SRRD: variants seen among roughly 807,000 people sequenced by gnomAD.
SRRD encodes the protein SRR1 domain containing.
A neutral mutation model predicts 30.7 loss-of-function variants in SRRD; 28 were observed. The ratio of observed to expected loss-of-function variants is 0.91; its 90% CI spans 0.68 to 1.25. SRRD has a LOEUF of 1.25. Among genes scored for constraint, SRRD ranks in the 50% most tolerant of loss-of-function variants. SRRD has a pLI of 0.00. For missense variants in SRRD, 415 were observed against 417.3 expected (o/e 0.99, Z 0.05); for synonymous variants, 161 against 159.6 (o/e 1.01, Z -0.07).
Position 26,494,081 on chromosome 22 carries a change from A to C in SRRD, c.*2409A>C. Reference sequence around the variant, plus strand: ...AGAAAACTCTGATTCTGTGTCATTTACATGTGTAAAATCTGAAACTTGGGG... The same window carrying C: ...AGAAAACTCTGATTCTGTGTCATTTCCATGTGTAAAATCTGAAACTTGGGG... On this transcript the variant is annotated 3_prime_UTR_variant, in exon 7 of 7. Coordinates refer to ENST00000215917, the MANE Select transcript of SRRD (RefSeq NM_001013694.3). The C allele has an allele frequency of 6.3e-7, 1 of 1,588,782 alleles. No individual in the cohort carries two copies. The highest frequency in any genetic ancestry group is 8.6e-7 in the Non-Finnish European group (1 of 1,162,386).
intron 4 of SRRD, among the ~76,000 whole-genome samples, chr22:26,489,243 G>T (rs2091730119): frequency 6.6e-6 from 1 of 152,182 alleles, no homozygotes; most frequent in Non-Finnish European, 1.5e-5. Context: ...CCTGTTCTGT[G>T]CTAGGCAGGG....
In SRRD at chr22:26,488,032, C is replaced by T. The variant is rs200980689; in HGVS notation, c.254C>T (p.Thr85Ile). 8.1e-6 allele frequency: 13 copies of T among 1,607,180 alleles called. No homozygotes were observed. The East Asian group carries it at 2.5e-4, about 30-fold the overall frequency. The change falls in exon 3 of 7, where the codon ACC becomes ATC. Residue 85 changes from threonine to isoleucine, a missense_variant. Physicochemically the swap from Thr to Ile is moderately conservative, Grantham distance 89. Transcript: ENST00000215917. ...ISDFWSSALE[T>I]INRCLTKHLE... ...ATTTGGGGGCCTGCTCTTTCAGAAA[C>T]CATCAATAGATGTCTCACAAAACAT...
intron 5 of SRRD, among the ~76,000 whole-genome samples, chr22:26,490,559 C>CTTTTTTTTTTTGTTTTTT (rs1921030279): frequency 1.9e-5 from 1 of 51,834 alleles, no homozygotes; most frequent in Non-Finnish European, 3.4e-5. Context: ...GGAATATTTG[C>CTTTTTTTTTTTGTTTTTT]TTTTTTTTTT....
In SRRD at chr22:26,490,033, C is replaced by G; in HGVS notation, c.610-11C>G. ...TGGGCATGTTTACACCTGTGAATAT[C>G]GTATCCCCAGGAAGGGAAACGGAGT... On this transcript the variant is annotated splice_polypyrimidine_tract_variant and intron_variant, in intron 4 of 6. Transcript: ENST00000215917. 6.2e-7 allele frequency: 1 copy of G among 1,613,724 alleles called. No individual in the cohort carries two copies. Among genetic ancestry groups the G allele is most frequent in the Non-Finnish European group, 8.5e-7 (1 of 1,179,728 alleles).
Position 26,488,177 on chromosome 22 carries a change from C to G in SRRD, c.399C>G (p.Val133=), listed in dbSNP as rs1408269068. The G allele has an allele frequency of 2.5e-6, 4 of 1,614,060 alleles. No individual in the cohort carries two copies. Among genetic ancestry groups the G allele is most frequent in the Non-Finnish European group, 3.4e-6 (4 of 1,180,030 alleles). Residue 133 remains valine (V), a synonymous_variant, in exon 3 of 7, where the codon GTC becomes GTG. Coordinates refer to ENST00000215917, the MANE Select transcript of SRRD (RefSeq NM_001013694.3). ...ATTCTATCCCAAGAGAGATCTTGGT[C>G]ACAGGAACCTGCCATTTGAAGTGTG... ...ATDSIPREIL[V]TGTCHLKCVC...
Position 26,486,369 on chromosome 22 carries a change from A to G in SRRD, c.250+306A>G, listed in dbSNP as rs575095310. 6.6e-5 allele frequency among the ~76,000 whole-genome samples: 10 copies of G among 152,324 alleles called. No individual in the cohort carries two copies. The South Asian group carries it at 2.1e-3, about 32-fold the overall frequency. Reference sequence around the variant, plus strand: ...TTTATATTTATCCTGTTCCTTTTCCATGATATTACAATGTAGCCTTTTCCT... The same window carrying G: ...TTTATATTTATCCTGTTCCTTTTCCGTGATATTACAATGTAGCCTTTTCCT... On this transcript the variant is annotated intron_variant, in intron 2 of 6. Coordinates refer to ENST00000215917, the MANE Select transcript of SRRD (RefSeq NM_001013694.3).
chr22:26,488,797 A>C (rs2091727699), intron 4 of SRRD, among the ~76,000 whole-genome samples: 1 of 152,264 alleles, frequency 6.6e-6, no homozygotes, highest in African/African-American at 2.4e-5. Flanking sequence ...CTGAAACATA[A>C]AAGTCTAGGT....
At position 26,491,570 on chromosome 22, in the gene SRRD, C is replaced by T. The variant is rs779461752; in HGVS notation, c.918C>T (p.Leu306=). 14 of 1,613,978 alleles carry T rather than the reference C, an allele frequency of 8.7e-6. No homozygotes were observed. The highest frequency in any genetic ancestry group is 1.2e-5 in the Non-Finnish European group (14 of 1,179,940). ...HWFPVQKLEQ[L]SIDIWEFREE... Reference sequence around the variant, plus strand: ...TCCCTGTGCAAAAGCTAGAACAGCTCTCCATAGATATTTGGGAGTTTCGGG... The same window carrying T: ...TCCCTGTGCAAAAGCTAGAACAGCTTTCCATAGATATTTGGGAGTTTCGGG... The change falls in exon 7 of 7, where the codon CTC becomes CTT. Residue 306 remains leucine, a synonymous_variant. Transcript: ENST00000215917.
chr22:26,492,372 A>C lies in SRRD; in HGVS notation c.*700A>C. The C allele has an allele frequency of 6.2e-7, 1 of 1,613,766 alleles. No homozygotes were observed. Among genetic ancestry groups the C allele is most frequent in the Non-Finnish European group, 8.5e-7 (1 of 1,179,696 alleles). ...GCTCCTGGCTGCATGTAGGCACCTAAGATACAGGAGGACAGGGCGGTGAGG... is the reference window on the plus strand; with the variant it reads ...GCTCCTGGCTGCATGTAGGCACCTACGATACAGGAGGACAGGGCGGTGAGG... On this transcript the variant is annotated 3_prime_UTR_variant, in exon 7 of 7. Transcript: ENST00000215917.
At chr22:26,484,960 T>C (rs1261996167) in intron 1 of SRRD, among the ~76,000 whole-genome samples, 3 of 152,228 alleles carry the variant, frequency 2.0e-5, no homozygotes, top group Non-Finnish European at 4.4e-5. Context: ...TGTGTGCTCC[T>C]CTCCCCTAGA....
intron 5 of SRRD, among the ~76,000 whole-genome samples, chr22:26,490,581 T>TTTTTTTTTTTG (rs1921041695): frequency 7.0e-6 from 1 of 142,112 alleles, no homozygotes; most frequent in Admixed American, 7.2e-5. Flanking sequence ...TTTTTTTTTT[T>TTTTTTTTTTTG]GAGATGGAGT....
At chr22:26,490,998 GT>G (rs762867847) in intron 5 of SRRD, 26 bp from the exon 6 acceptor site, 2 of 1,545,314 alleles carry the variant, frequency 1.3e-6, no homozygotes, top group Admixed American at 2.0e-5. Context: ...TTTTTTTTTT[GT>G]TTTTTTGGTT....
At chr22:26,490,824 G>T in intron 5 of SRRD, 1 of 548,422 alleles carries the variant, frequency 1.8e-6, no homozygotes, top group African/African-American at 1.9e-5. Flanking sequence ...TCAGTCTCCT[G>T]AAGTGCTGGG....
chr22:26,488,194 T>G lies in SRRD; in HGVS notation c.416T>G (p.Leu139Trp). The G allele has an allele frequency of 6.2e-7, 1 of 1,614,216 alleles. No homozygotes were observed. The highest frequency in any genetic ancestry group is 8.5e-7 in the Non-Finnish European group (1 of 1,180,034). ...REILVTGTCHLKCVCYGIGNF... is the reference protein window; with the variant it reads ...REILVTGTCHWKCVCYGIGNF... ...ATCTTGGTCACAGGAACCTGCCATT[T>G]GAAGTGTGTGTGTTACGGCATTGGG... Residue 139 changes from leucine to tryptophan, a missense_variant, in exon 3 of 7, where the codon TTG (leucine) becomes TGG (tryptophan). Leu to Trp is a moderately conservative substitution (Grantham distance 61). Transcript: ENST00000215917.
Position 26,486,036 on chromosome 22 carries a change from A to C in SRRD, c.223A>C (p.Ile75Leu), listed in dbSNP as rs376915282. The C allele has an allele frequency of 5.0e-5, 81 of 1,614,032 alleles. No individual in the cohort carries two copies. The highest frequency in any genetic ancestry group is 6.4e-5 in the Non-Finnish European group (76 of 1,180,030). Residue 75 changes from isoleucine to leucine, a missense_variant, in exon 2 of 7, where the codon ATC (isoleucine) becomes CTC (leucine). Ile to Leu is a conservative substitution (Grantham distance 5). Coordinates refer to ENST00000215917, the MANE Select transcript of SRRD (RefSeq NM_001013694.3). ...TTTTCTCAACAGGAAGGACCTGTTT[A>C]TCTCTGATTTCTGGAGTTCAGCACT... ...RIWEAEKDLF[I>L]SDFWSSALET... is the part of the protein sequence containing the mutation.
At position 26,488,415 on chromosome 22, in the gene SRRD, A is replaced by C; in HGVS notation, c.536A>C (p.Tyr179Ser). ...ATTCCCAGAAGTCACTGTTGGGTAT[A>C]TGACCCTCTGTTTAGCCAACTTGAA... Reference protein sequence around the residue: ...CQIPRSHCWVYDPLFSQLEIE... With the variant: ...CQIPRSHCWVSDPLFSQLEIE... Residue 179 changes from tyrosine (Y) to serine (S), a missense_variant, in exon 4 of 7, where the codon TAT becomes TCT. Tyr to Ser is a moderately radical substitution (Grantham distance 144, BLOSUM62 -2). Coordinates refer to ENST00000215917, the MANE Select transcript of SRRD (RefSeq NM_001013694.3). The C allele has an allele frequency of 1.2e-6, 2 of 1,614,208 alleles. No individual in the cohort carries two copies. Among genetic ancestry groups the C allele is most frequent in the Non-Finnish European group, 1.7e-6 (2 of 1,180,022 alleles).
chr22:26,493,766 G>A lies in SRRD; in HGVS notation c.*2094G>A, dbSNP rs2147118608. 2 of 219,590 alleles carry A rather than the reference G, an allele frequency of 9.1e-6. No homozygotes were observed. The highest frequency in any genetic ancestry group is 1.4e-4 in the South Asian group (2 of 14,596). 13.6% of individuals were successfully genotyped at this position (219,590 alleles called of 1,614,324 possible). Reference sequence around the variant, plus strand: ...AAGGCTGAGCAATCACCAAGTGTCAGACCGCGTGCCAAACTCCACACTGTA... The same window carrying A: ...AAGGCTGAGCAATCACCAAGTGTCAAACCGCGTGCCAAACTCCACACTGTA... On this transcript the variant is annotated 3_prime_UTR_variant, in exon 7 of 7. Coordinates refer to ENST00000215917, the MANE Select transcript of SRRD (RefSeq NM_001013694.3).
At position 26,491,638 on chromosome 22, in the gene SRRD, G is replaced by A. The variant is rs1410379774; in HGVS notation, c.986G>A (p.Arg329Lys). 1.2e-6 allele frequency: 2 copies of A among 1,613,266 alleles called. No homozygotes were observed. The highest frequency in any genetic ancestry group is 3.3e-5 in the Admixed American group (2 of 60,014). Reference sequence around the variant, plus strand: ...GACTGTGAGGACCTTGAAATCATCAGGAACAAGAGAGAAGATCCTTCTGCT... The same window carrying A: ...GACTGTGAGGACCTTGAAATCATCAAGAACAAGAGAGAAGATCCTTCTGCT... ...YQDCEDLEII[R>K]NKREDPSATD The change falls in exon 7 of 7, where the codon AGG (arginine) becomes AAG (lysine). Residue 329 changes from arginine to lysine, a missense_variant. Arg to Lys is a conservative substitution (Grantham distance 26). Coordinates refer to ENST00000215917, the MANE Select transcript of SRRD (RefSeq NM_001013694.3).
chr22:26,490,214 C>T lies in SRRD; in HGVS notation c.764+16C>T. On this transcript the variant is annotated intron_variant, in intron 5 of 6. Transcript: ENST00000215917. Reference sequence around the variant, plus strand: ...TTGAGGAGAGGTAAGTCTGAGAATGCTGAGATTCTGTCAGGCCCTGAGGTG... The same window carrying T: ...TTGAGGAGAGGTAAGTCTGAGAATGTTGAGATTCTGTCAGGCCCTGAGGTG... 6.2e-7 allele frequency: 1 copy of T among 1,613,736 alleles called. No homozygotes were observed. The highest frequency in any genetic ancestry group is 8.5e-7 in the Non-Finnish European group (1 of 1,179,758).
Sources: gnomAD v4.1 joint callset for allele counts (sites outside exome capture counted in the v4.1 genomes callset) on GRCh38, gnomAD v4.1.1 for gene constraint, MANE v1.5 for transcripts, NCBI Gene and HGNC (gene_info 2026-07-23, HGNC 2026-07-21) for gene names.